The following LAMB4 variants were observed in gnomAD, a reference collection of about 807,000 sequenced individuals.
LAMB4 encodes laminin subunit beta 4.
In LAMB4, 196 loss-of-function variants were observed where a neutral mutation model predicts 199.2. The observed-to-expected ratio is 0.98, with a 90% CI of 0.88 to 1.11. LAMB4 has a LOEUF of 1.11. LAMB4 is among the 50% of genes least tolerant of loss of function. The pLI is 0.00. For synonymous variants in LAMB4, 744 were observed against 770.6 expected (o/e 0.97, Z 0.57); for missense variants, 2,080 against 2,171.2 (o/e 0.96, Z 0.83).
chr7:108,052,128 C>T lies in LAMB4; in HGVS notation c.3885G>A (p.Leu1295=), dbSNP rs1334214660. Residue 1295 remains leucine, a synonymous_variant, in exon 26 of 34, where the codon TTG becomes TTA. Transcript: ENST00000388781. ...TGCTTGCATTAAGGACACTGGATTG[C>T]AAATCAATTTCTTCCTGAAGGTCTT... ...LLEDLQEEID[L]QSSVLNASIA... The T allele has an allele frequency of 1.2e-6, 2 of 1,611,578 alleles. No homozygotes were observed. Among genetic ancestry groups the T allele is most frequent in the East Asian group, 2.2e-5 (1 of 44,842 alleles).
At chr7:108,112,721 C>T (rs1174483892) in intron 3 of LAMB4, among the ~76,000 whole-genome samples, 1 of 152,222 alleles carries the variant, frequency 6.6e-6, no homozygotes, top group Non-Finnish European at 1.5e-5. Context: ...AAAGCACTGT[C>T]AGTGGCCTGC....
chr7:108,107,995 C>T (rs1413242936), intron 5 of LAMB4, among the ~76,000 whole-genome samples, 176 bp from the exon 6 acceptor site: 2 of 152,222 alleles, frequency 1.3e-5, no homozygotes, highest in Non-Finnish European at 2.9e-5. Context: ...GGCTGGAGTG[C>T]AGTGGCATGA....
chr7:108,055,711 C>G lies in LAMB4; in HGVS notation c.3676G>C (p.Glu1226Gln). 2 of 1,614,088 alleles carry G rather than the reference C, an allele frequency of 1.2e-6. No individual in the cohort carries two copies. Among genetic ancestry groups the G allele is most frequent in the Non-Finnish European group, 1.7e-6 (2 of 1,179,928 alleles). ...DFKDLRGNVSEIERILKHPVF... is the reference protein window; with the variant it reads ...DFKDLRGNVSQIERILKHPVF... ...GGATGTTTCAAAATCCTTTCTATTT[C>G]AGACACGTTCCCTCTGAGGTCTTTG... The change falls in exon 25 of 34, where the codon GAA becomes CAA. Residue 1226 changes from glutamate (E) to glutamine (Q), a missense_variant. Transcript: ENST00000388781.
At chr7:108,081,039 T>C (rs2036916288) in intron 14 of LAMB4, among the ~76,000 whole-genome samples, 1 of 152,080 alleles carries the variant, frequency 6.6e-6, no homozygotes, top group African/African-American at 2.4e-5. Flanking sequence ...GGAGAATCGC[T>C]TGAACCTGGG....
Position 108,083,806 on chromosome 7 carries a change from T to C in LAMB4, c.1702-4020A>G, listed in dbSNP as rs538747176. Among the ~76,000 whole-genome samples, 8 of 152,330 alleles carry C rather than the reference T, an allele frequency of 5.3e-5. No individual in the cohort carries two copies. The South Asian group carries it at 1.7e-3, about 32-fold the overall frequency. ...CCACTACCACTCCCAGTGACCATGG[T>C]AATCTGGGCTTCTTGTCACTGTAAC... is the stretch of plus-strand genomic sequence containing the variant. On this transcript the variant is annotated intron_variant, in intron 14 of 33. Transcript: ENST00000388781.
At chr7:108,027,686 G>T (rs2034884559) in intron 33 of LAMB4, among the ~76,000 whole-genome samples, 1 of 152,174 alleles carries the variant, frequency 6.6e-6, no homozygotes, top group Non-Finnish European at 1.5e-5. Context: ...TTTCTTGATG[G>T]TTAGAGATAG....
At chr7:108,103,368 G>T in intron 9 of LAMB4, 136 bp from the exon 10 acceptor site, 1 of 637,788 alleles carries the variant, frequency 1.6e-6, no homozygotes, top group Non-Finnish European at 2.5e-6. Flanking sequence ...GATGCACCAA[G>T]CAAACACAGG....
At chr7:108,035,234 T>G (rs760604862) in intron 30 of LAMB4, among the ~76,000 whole-genome samples, 1 of 152,096 alleles carries the variant, frequency 6.6e-6, no homozygotes, top group Non-Finnish European at 1.5e-5. Context: ...TATTTTTTCC[T>G]TTAGATTTTT....
At chr7:108,117,337 C>T (rs965382143) in intron 2 of LAMB4, among the ~76,000 whole-genome samples, 3 of 152,112 alleles carry the variant, frequency 2.0e-5, no homozygotes, top group Admixed American at 6.6e-5. Flanking sequence ...AACATCTATA[C>T]GGGCATGAGG....
chr7:108,033,109 G>C (rs950547819), intron 31 of LAMB4, among the ~76,000 whole-genome samples: 1 of 152,046 alleles, frequency 6.6e-6, no homozygotes, highest in African/African-American at 2.4e-5. Context: ...GTACCCTTGG[G>C]CATATGTGGG....
chr7:108,112,704 G>T (rs1052124313), intron 3 of LAMB4, among the ~76,000 whole-genome samples: 1 of 152,226 alleles, frequency 6.6e-6, no homozygotes, highest in Non-Finnish European at 1.5e-5. Context: ...GCTCTGTAAG[G>T]ATTTCCAAAG....
chr7:108,112,833 C>A lies in LAMB4; in HGVS notation c.193-887G>T, dbSNP rs553879139. Among the ~76,000 whole-genome samples the A allele has an allele frequency of 5.9e-5, 9 of 152,306 alleles. No individual in the cohort carries two copies. The South Asian group carries it at 1.5e-3, about 25-fold the overall frequency. On this transcript the variant is annotated intron_variant, in intron 3 of 33. Coordinates refer to ENST00000388781, the MANE Select transcript of LAMB4 (RefSeq NM_007356.3). ...TATAACCTTCTGTGCTGGAAATTGC[C>A]TACAACAGCATAGGTGCTCAGCTGG... is the stretch of plus-strand genomic sequence containing the variant.
chr7:108,116,868 C>T (rs908042665), intron 2 of LAMB4, among the ~76,000 whole-genome samples: 2 of 152,004 alleles, frequency 1.3e-5, no homozygotes, highest in Non-Finnish European at 2.9e-5. Context: ...CTCCCATCTC[C>T]ACAAAAAAAT....
rs778119716 is a variant in LAMB4 at position 108,055,925 on chromosome 7, G to A, written c.3462C>T (p.Ser1154=). The change falls in exon 25 of 34, where the codon AGC becomes AGT. Residue 1154 remains serine (S), a synonymous_variant. Transcript: ENST00000388781. ...TGMCRCREGV[S]GQRCDRCARG... ...GGGCACAGCGATCACATCTCTGGCC[G>A]CTGACACCCTCCCGGCAGCGGCACA... 2.9e-5 allele frequency: 46 copies of A among 1,614,008 alleles called. No individual in the cohort carries two copies. The highest frequency in any genetic ancestry group is 3.3e-4 in the Middle Eastern group (2 of 6,084).
intron 29 of LAMB4, among the ~76,000 whole-genome samples, chr7:108,042,098 T>C (rs1298487111): frequency 6.6e-6 from 1 of 152,112 alleles, no homozygotes; most frequent in Non-Finnish European, 1.5e-5. Context: ...GTGGTCATCA[T>C]CTAATGTAAT....
intron 33 of LAMB4, among the ~76,000 whole-genome samples, chr7:108,026,185 C>T (rs1235212017): frequency 6.6e-6 from 1 of 152,204 alleles, no homozygotes; most frequent in Non-Finnish European, 1.5e-5. Flanking sequence ...CCTCCACAGC[C>T]TCAGTGGGTT....
intron 31 of LAMB4, 105 bp downstream of exon 31, chr7:108,034,103 C>A: frequency 9.5e-7 from 1 of 1,056,640 alleles, no homozygotes; most frequent in Non-Finnish European, 1.4e-6. Context: ...TCATAATAAT[C>A]CCATCAGACT....
chr7:108,042,742 A>T (rs2035461904), intron 29 of LAMB4, among the ~76,000 whole-genome samples: 1 of 152,176 alleles, frequency 6.6e-6, no homozygotes, highest in Admixed American at 6.5e-5. Context: ...AAACAACAAC[A>T]ACAAAAAAAC....
At chr7:108,126,499 G>A (rs76117744) in intron 1 of LAMB4, among the ~76,000 whole-genome samples, 1,634 of 149,436 alleles carry the variant, frequency 0.011, 28 homozygotes, top group African/African-American at 0.038. Context: ...CCTATTTCAC[G>A]TAGCATAATG....
Sources: allele counts gnomAD v4.1 joint callset (sites outside exome capture counted in the v4.1 genomes callset), GRCh38; gene constraint gnomAD v4.1.1; transcripts MANE v1.5; gene names NCBI Gene and HGNC (gene_info 2026-07-23, HGNC 2026-07-21).